Variants in KIAA0825 observed in about 807,000 individuals in gnomAD.
The protein encoded by KIAA0825 is uncharacterized protein KIAA0825.
A neutral mutation model predicts 147.6 loss-of-function variants in KIAA0825; 119 were observed. That is an observed-to-expected ratio of 0.81 (90% CI 0.69 to 0.94). The LOEUF (loss-of-function observed/expected upper bound fraction) is 0.94. Ranked by LOEUF, KIAA0825 falls within the 40% of genes least tolerant of loss-of-function variation. The probability of loss-of-function intolerance (pLI) is 0.00; values close to 1 mark genes in which losing one functional copy is unlikely to be tolerated. For synonymous variants in KIAA0825, 470 were observed against 518.1 expected, an observed-to-expected ratio of 0.91 and a Z score of 1.26; for missense variants, 1,381 against 1,472.7, an observed-to-expected ratio of 0.94 and a Z score of 1.02.
intron 14 of KIAA0825, among the ~76,000 whole-genome samples, chr5:94,417,778 G>C (rs545228069): frequency 6.6e-6 from 1 of 151,994 alleles, no homozygotes; most frequent in East Asian, 1.9e-4. Flanking sequence ...TACTAACATT[G>C]TACCATGGGA....
At chr5:94,404,234 G>A (rs1056059531) in intron 15 of KIAA0825, among the ~76,000 whole-genome samples, 1 of 152,096 alleles carries the variant, frequency 6.6e-6, no homozygotes, top group Non-Finnish European at 1.5e-5. Flanking sequence ...TAGGTGATTT[G>A]TTTAATTAGC....
intron 2 of KIAA0825, among the ~76,000 whole-genome samples, chr5:94,566,092 C>G (rs1211731378): frequency 1.3e-5 from 2 of 152,160 alleles, no homozygotes; most frequent in African/African-American, 2.4e-5. Context: ...CATATTGTTG[C>G]AAATGACAGA....
chr5:94,591,874 A>C (rs1330726737), intron 1 of KIAA0825, among the ~76,000 whole-genome samples: 1 of 152,340 alleles, frequency 6.6e-6, no homozygotes, highest in African/African-American at 2.4e-5. Context: ...GAGCTTGTGC[A>C]AAGGAACTCC....
intron 20 of KIAA0825, among the ~76,000 whole-genome samples, chr5:94,276,810 TTGGTTATTCTCTGCAGAGGAG>T (rs1777244331): frequency 6.6e-6 from 1 of 152,098 alleles, no homozygotes; most frequent in South Asian, 2.1e-4. Flanking sequence ...TGGCTAGGCA[TTGGTTATTCTCTGCAGAGGAG>T]TGGTTATTCT....
intron 10 of KIAA0825, 109 bp from the exon 11 acceptor site, chr5:94,465,168 G>T: frequency 1.0e-6 from 1 of 968,890 alleles, no homozygotes; most frequent in East Asian, 2.6e-5. Context: ...TAAAGAGTTT[G>T]ACACACTAGA....
At chr5:94,312,945 A>G (rs553817710) in intron 20 of KIAA0825, among the ~76,000 whole-genome samples, 8 of 151,806 alleles carry the variant, frequency 5.3e-5, no homozygotes, top group Admixed American at 3.9e-4. Flanking sequence ...AATCAAAATT[A>G]TCAACACAGC....
intron 12 of KIAA0825, among the ~76,000 whole-genome samples, chr5:94,461,801 A>T (rs1759876734): frequency 6.6e-6 from 1 of 151,960 alleles, no homozygotes; most frequent in Non-Finnish European, 1.5e-5. Flanking sequence ...TTGGAGGAGG[A>T]TATAAACAAA....
intron 14 of KIAA0825, among the ~76,000 whole-genome samples, chr5:94,433,048 T>C (rs1755893238): frequency 6.6e-6 from 1 of 152,178 alleles, no homozygotes; most frequent in South Asian, 2.1e-4. Flanking sequence ...TTATTTTATT[T>C]TTTGAGATGG....
At chr5:94,482,355 A>C (rs748245486) in intron 6 of KIAA0825, among the ~76,000 whole-genome samples, 5 of 151,994 alleles carry the variant, frequency 3.3e-5, no homozygotes, top group Non-Finnish European at 7.4e-5. Flanking sequence ...AAAAGTCCTC[A>C]TTTTTCATCT....
At chr5:94,295,908 C>T (rs1778110691) in intron 20 of KIAA0825, among the ~76,000 whole-genome samples, 1 of 152,152 alleles carries the variant, frequency 6.6e-6, no homozygotes, top group Non-Finnish European at 1.5e-5. Context: ...AGGTCAGGGA[C>T]CCACTTGAGG....
chr5:94,412,496 G>A (rs1264880609), intron 15 of KIAA0825, among the ~76,000 whole-genome samples: 1 of 152,076 alleles, frequency 6.6e-6, no homozygotes, highest in Admixed American at 6.5e-5. Flanking sequence ...CACCTCCTGG[G>A]TTCAAGTGCT....
At chr5:94,474,674 G>A (rs894107790) in intron 7 of KIAA0825, among the ~76,000 whole-genome samples, 5 of 152,076 alleles carry the variant, frequency 3.3e-5, no homozygotes, top group African/African-American at 1.2e-4. Flanking sequence ...ATGATTCCAT[G>A]ACTCTATAAT....
intron 2 of KIAA0825, among the ~76,000 whole-genome samples, chr5:94,575,597 A>G (rs1349605070): frequency 6.6e-6 from 1 of 152,290 alleles, no homozygotes; most frequent in Non-Finnish European, 1.5e-5. Context: ...ATCAGAAACT[A>G]GCAATAGTAA....
chr5:94,344,931 T>G (rs76693646), intron 20 of KIAA0825, among the ~76,000 whole-genome samples: 226 of 152,228 alleles, frequency 1.5e-3, no homozygotes, highest in African/African-American at 5.3e-3. Flanking sequence ...TGGGAGTTAT[T>G]GATAATGGGT....
At chr5:94,284,717 CTGTT>C (rs1777594180) in intron 20 of KIAA0825, among the ~76,000 whole-genome samples, 1 of 152,076 alleles carries the variant, frequency 6.6e-6, no homozygotes, top group African/African-American at 2.4e-5. Context: ...CCTTTACCCT[CTGTT>C]TGCAATGCAG....
At chr5:94,567,259 G>C in intron 2 of KIAA0825, among the ~76,000 whole-genome samples, 1 of 152,100 alleles carries the variant, frequency 6.6e-6, no homozygotes, top group East Asian at 1.9e-4. Flanking sequence ...TTCCTTAAAA[G>C]CTTAACATAA....
At chr5:94,588,937 G>A (rs1055027691) in intron 1 of KIAA0825, among the ~76,000 whole-genome samples, 2 of 152,156 alleles carry the variant, frequency 1.3e-5, no homozygotes, top group African/African-American at 4.8e-5. Context: ...ACCAAACACT[G>A]CATGTTGTCA....
In KIAA0825 at chr5:94,471,613, G is replaced by C; in HGVS notation, c.1574C>G (p.Thr525Arg). ...CTCTTGCAGTCTCTGCAGGACAGCT[G>C]TTGCCACTTTACAACAGGCCTCCAC... Reference protein sequence around the residue: ...NLVEACCKVATAVLQRLQERA... With the variant: ...NLVEACCKVARAVLQRLQERA... The change falls in exon 9 of 21, where the codon ACA (threonine) becomes AGA (arginine). Residue 525 changes from threonine to arginine, a missense_variant. Physicochemically the swap from Thr to Arg is moderately conservative, Grantham distance 71 (BLOSUM62 -1). Coordinates refer to ENST00000682413, the MANE Select transcript of KIAA0825 (RefSeq NM_001145678.3). 1.3e-6 allele frequency: 2 copies of C among 1,551,950 alleles called. No individual in the cohort carries two copies. The highest frequency in any genetic ancestry group is 1.2e-5 in the South Asian group (1 of 84,056).
intron 20 of KIAA0825, among the ~76,000 whole-genome samples, chr5:94,208,515 A>G (rs763455207): frequency 6.6e-6 from 1 of 152,246 alleles, no homozygotes; most frequent in Non-Finnish European, 1.5e-5. Context: ...GAGATAAAGC[A>G]CATATACAGG....
Sources: allele counts gnomAD v4.1 joint callset (sites outside exome capture counted in the v4.1 genomes callset), GRCh38; gene constraint gnomAD v4.1.1; transcripts MANE v1.5; gene names NCBI Gene and HGNC (gene_info 2026-07-23, HGNC 2026-07-21).